Variants in ALK observed in about 807,000 individuals in gnomAD.
ALK encodes ALK receptor tyrosine kinase, also known as ALK tyrosine kinase receptor.
A neutral mutation model predicts 163.1 loss-of-function variants in ALK; 74 were observed. That is an observed-to-expected ratio of 0.45 (90% confidence interval 0.38 to 0.55). The LOEUF (loss-of-function observed/expected upper bound fraction) is 0.55, where lower values mean the gene tolerates loss of function less well. ALK is among the 20% of genes least tolerant of loss of function. The pLI is 0.00. For missense variants in ALK, 2,063 were observed against 2,105.3 expected (o/e 0.98, Z 0.39); for synonymous variants, 960 against 843.2 (o/e 1.14, Z -2.40).
intron 23 of ALK, among the ~76,000 whole-genome samples, chr2:29,220,224 T>C (rs1441547382): frequency 6.6e-6 from 1 of 152,124 alleles, no homozygotes; most frequent in African/African-American, 2.4e-5. Context: ...GCTATTCTCA[T>C]GATAGTGAGT....
intron 1 of ALK, among the ~76,000 whole-genome samples, chr2:29,719,823 G>A: frequency 6.6e-6 from 1 of 152,072 alleles, no homozygotes; most frequent in East Asian, 1.9e-4. Context: ...GGCCTGGCAG[G>A]GCCCCCACGA....
At chr2:29,436,711 G>A (rs779641143) in intron 4 of ALK, among the ~76,000 whole-genome samples, 8 of 152,166 alleles carry the variant, frequency 5.3e-5, no homozygotes, top group Non-Finnish European at 1.0e-4. Context: ...AATCGTATCT[G>A]TGACCACAAT....
At chr2:29,243,330 G>A (rs1204968806) in intron 12 of ALK, among the ~76,000 whole-genome samples, 1 of 152,176 alleles carries the variant, frequency 6.6e-6, no homozygotes, top group African/African-American at 2.4e-5. Context: ...GTGAGACCTT[G>A]GGTGATTATT....
chr2:29,822,554 C>T (rs1665079047), intron 1 of ALK, among the ~76,000 whole-genome samples: 1 of 152,212 alleles, frequency 6.6e-6, no homozygotes, highest in African/African-American at 2.4e-5. Context: ...AATGCCCATC[C>T]CTGTTCTCTA....
At chr2:29,888,248 T>TTTTTG (rs1375871840) in intron 1 of ALK, among the ~76,000 whole-genome samples, 26 of 119,006 alleles carry the variant, frequency 2.2e-4, no homozygotes, top group Non-Finnish European at 3.3e-4. Flanking sequence ...AATAAATTGT[T>TTTTTG]TTTTTTTTTT....
chr2:29,367,834 T>C (rs978654474), intron 5 of ALK, among the ~76,000 whole-genome samples: 1 of 152,242 alleles, frequency 6.6e-6, no homozygotes, highest in Non-Finnish European at 1.5e-5. Flanking sequence ...TTGCCTATAA[T>C]TACAAAGTTG....
chr2:29,252,021 T>G (rs973852012), intron 11 of ALK, among the ~76,000 whole-genome samples: 2 of 152,082 alleles, frequency 1.3e-5, no homozygotes, highest in Non-Finnish European at 2.9e-5. Context: ...CAACAGAGTA[T>G]AAAAAATGGA....
At chr2:29,252,578 G>A (rs867525634) in intron 11 of ALK, among the ~76,000 whole-genome samples, 6 of 152,168 alleles carry the variant, frequency 3.9e-5, no homozygotes, top group African/African-American at 1.2e-4. Context: ...GCCAGTTGTC[G>A]TGGGTTTTTG....
At chr2:29,308,189 A>G (rs1425211576) in intron 8 of ALK, among the ~76,000 whole-genome samples, 4 of 152,274 alleles carry the variant, frequency 2.6e-5, no homozygotes, top group Middle Eastern at 3.4e-3. Context: ...TAATATTGAT[A>G]TGGGAAAATG....
At chr2:29,867,268 T>C (rs1038979178) in intron 1 of ALK, among the ~76,000 whole-genome samples, 6 of 152,206 alleles carry the variant, frequency 3.9e-5, no homozygotes, top group African/African-American at 1.4e-4. Flanking sequence ...TAAGGAAGTT[T>C]AGTCCTTACA....
chr2:29,760,704 G>T (rs149244586), intron 1 of ALK, among the ~76,000 whole-genome samples: 1,598 of 152,316 alleles, frequency 0.01, 17 homozygotes, highest in South Asian at 0.05. Flanking sequence ...AGGGCTTACA[G>T]ACATTATTGT....
intron 9 of ALK, among the ~76,000 whole-genome samples, chr2:29,284,843 C>T (rs1665809865): frequency 6.6e-6 from 1 of 152,204 alleles, no homozygotes; most frequent in Non-Finnish European, 1.5e-5. Context: ...ACATCGTGTG[C>T]TGAGCCACCG....
At chr2:29,881,589 G>C (rs867636037) in intron 1 of ALK, among the ~76,000 whole-genome samples, 4 of 152,232 alleles carry the variant, frequency 2.6e-5, no homozygotes, top group Non-Finnish European at 4.4e-5. Context: ...CTGTCTCCCC[G>C]CCTCCTGCGT....
At chr2:29,639,481 T>C (rs1676638776) in intron 3 of ALK, among the ~76,000 whole-genome samples, 1 of 152,134 alleles carries the variant, frequency 6.6e-6, no homozygotes, top group Non-Finnish European at 1.5e-5. Flanking sequence ...CACATTCCAC[T>C]AAGGATTTGA....
intron 4 of ALK, among the ~76,000 whole-genome samples, chr2:29,433,391 T>C (rs1278819172): frequency 6.6e-6 from 1 of 152,176 alleles, no homozygotes; most frequent in East Asian, 1.9e-4. Context: ...CTAGAGGGTT[T>C]TGAGGAGGAA....
chr2:29,563,933 A>C (rs1674100345), intron 3 of ALK, among the ~76,000 whole-genome samples: 3 of 152,136 alleles, frequency 2.0e-5, no homozygotes, highest in African/African-American at 7.2e-5. Context: ...CTGATGCCCA[A>C]ACATTTGTGG....
intron 4 of ALK, among the ~76,000 whole-genome samples, chr2:29,439,326 C>T (rs556994997): frequency 6.6e-6 from 1 of 152,270 alleles, no homozygotes; most frequent in African/African-American, 2.4e-5. Context: ...TGGGTATAAA[C>T]TCCTTATGCT....
In ALK at chr2:29,527,255, C is replaced by T. The variant is rs371053788; in HGVS notation, c.1154+4660G>A. 1.6e-4 allele frequency among the ~76,000 whole-genome samples: 24 copies of T among 152,280 alleles called. No individual in the cohort carries two copies. In the East Asian group the frequency reaches 3.9e-3, roughly 24 times the overall value. On this transcript the variant is annotated intron_variant, in intron 4 of 28. Coordinates refer to ENST00000389048, the MANE Select transcript of ALK (RefSeq NM_004304.5). ...GAGTTAAATTACCTTGGCACATTTC[C>T]TATTAGGATTGCTACTGGTTTTAAA...
chr2:29,890,676 C>G (rs751355001), intron 1 of ALK: 2 of 152,226 alleles, frequency 1.3e-5, no homozygotes, highest in African/African-American at 2.4e-5. Flanking sequence ...GGCAGGGTAG[C>G]TGCCATCAGT....
Sources: allele counts gnomAD v4.1 joint callset (sites outside exome capture counted in the v4.1 genomes callset), GRCh38; gene constraint gnomAD v4.1.1; transcripts MANE v1.5; gene names NCBI Gene and HGNC (gene_info 2026-07-23, HGNC 2026-07-21).